The following PRKCB variants were observed in gnomAD, a reference collection of about 807,000 sequenced individuals.
PRKCB encodes protein kinase C beta type.
Under a neutral mutation model 81.5 loss-of-function variants are expected in PRKCB, and 13 were observed. The observed-to-expected ratio is 0.16, with a 90% confidence interval of 0.10 to 0.25. The LOEUF (loss-of-function observed/expected upper bound fraction) is 0.25. Among genes scored for constraint, PRKCB ranks in the 10% least tolerant of loss-of-function variants. The pLI is 1.00. For synonymous variants in PRKCB, 335 were observed against 321.4 expected (o/e 1.04, Z -0.45); for missense variants, 509 against 875.7 (o/e 0.58, Z 5.29).
chr16:23,935,108 T>C (rs777745106), intron 2 of PRKCB, among the ~76,000 whole-genome samples: 1 of 152,128 alleles, frequency 6.6e-6, no homozygotes, highest in Non-Finnish European at 1.5e-5. Flanking sequence ...AACTGGGAAC[T>C]TCCCCTCAGG....
At chr16:24,160,635 G>A (rs916486069) in intron 10 of PRKCB, among the ~76,000 whole-genome samples, 1 of 152,160 alleles carries the variant, frequency 6.6e-6, no homozygotes, top group Non-Finnish European at 1.5e-5. Flanking sequence ...CCATGATGAG[G>A]TACAAAACAG....
Position 23,899,630 on chromosome 16 carries a change from CTCTCTCTCTCTCTCTG to C in PRKCB, c.205+62226_205+62241del, listed in dbSNP as rs1389941842. ...TCTCTCTCTCTCTCTCTCTCTCTCT[CTCTCTCTCTCTCTCTG>C]TGTGTGTGTGTGTGTGTGTGTGGTT... On this transcript the variant is annotated intron_variant, in intron 2 of 16. Coordinates refer to ENST00000643927, the MANE Select transcript of PRKCB (RefSeq NM_002738.7). Among the ~76,000 whole-genome samples, 145 of 36,160 alleles carry C rather than the reference CTCTCTCTCTCTCTCTG, an allele frequency of 4.0e-3. 17 individuals are homozygous for C. Among genetic ancestry groups the C allele is most frequent in the Admixed American group, 4.6e-3 (11 of 2,392 alleles). The allele number at this position is 36,160 out of a possible 152,430, so 23.7% of individuals were successfully genotyped here. A position where few individuals can be genotyped will look rare whatever the true frequency, so the allele number is the denominator to read the frequency against.
intron 3 of PRKCB, among the ~76,000 whole-genome samples, chr16:24,015,268 C>T (rs1965261779): frequency 6.6e-6 from 1 of 152,208 alleles, no homozygotes; most frequent in Non-Finnish European, 1.5e-5. Context: ...CTCTTCTCTC[C>T]ATTTTACAGG....
At chr16:23,986,377 C>T (rs1407137980) in intron 2 of PRKCB, among the ~76,000 whole-genome samples, 2 of 152,178 alleles carry the variant, frequency 1.3e-5, no homozygotes, top group African/African-American at 4.8e-5. Context: ...CCTCAGCCTC[C>T]GGAGTAGCTG....
In PRKCB at chr16:23,961,255, C is replaced by T. The variant is rs367705963; in HGVS notation, c.206-27253C>T. ...CCAGTTTTAGGTACCTCCAGTATCC[C>T]AGTATTTTAGTTGTAAGTGACAGAA... On this transcript the variant is annotated intron_variant, in intron 2 of 16. Coordinates refer to ENST00000643927, the MANE Select transcript of PRKCB (RefSeq NM_002738.7). Among the ~76,000 whole-genome samples the T allele has an allele frequency of 2.6e-5, 4 of 152,180 alleles. No individual in the cohort carries two copies. The East Asian group carries it at 5.8e-4, about 22-fold the overall frequency.
intron 2 of PRKCB, among the ~76,000 whole-genome samples, chr16:23,943,992 A>G (rs1964172473): frequency 6.6e-6 from 1 of 152,190 alleles, no homozygotes; most frequent in Non-Finnish European, 1.5e-5. Flanking sequence ...ATGGACTTTT[A>G]AGCTCATGAT....
intron 5 of PRKCB, among the ~76,000 whole-genome samples, chr16:24,084,292 C>G (rs1310408847): frequency 6.6e-6 from 1 of 151,898 alleles, no homozygotes; most frequent in Non-Finnish European, 1.5e-5. Context: ...GAGTTCAAGA[C>G]AAATATATAA....
chr16:23,892,361 G>A (rs927408513), intron 2 of PRKCB, among the ~76,000 whole-genome samples: 11 of 152,190 alleles, frequency 7.2e-5, no homozygotes, highest in African/African-American at 2.7e-4. Flanking sequence ...TCAGGATGCA[G>A]TATCAGCTGA....
intron 3 of PRKCB, among the ~76,000 whole-genome samples, chr16:24,006,207 T>C (rs951334452): frequency 1.3e-5 from 2 of 152,238 alleles, no homozygotes; most frequent in Non-Finnish European, 2.9e-5. Context: ...TCGTGGGCGA[T>C]ACCAAATGCC....
At chr16:24,190,200 G>A (rs373606521) in intron 15 of PRKCB, among the ~76,000 whole-genome samples, 3 of 152,208 alleles carry the variant, frequency 2.0e-5, no homozygotes, top group African/African-American at 4.8e-5. Flanking sequence ...AGCTGGGCTA[G>A]GTTTTGACTA....
At chr16:23,982,796 T>C (rs1169129332) in intron 2 of PRKCB, among the ~76,000 whole-genome samples, 1 of 152,090 alleles carries the variant, frequency 6.6e-6, no homozygotes, top group East Asian at 1.9e-4. Flanking sequence ...GGAGACATCT[T>C]TTTCATTCTC....
At chr16:23,953,888 C>CTT (rs5816234) in intron 2 of PRKCB, among the ~76,000 whole-genome samples, 127,498 of 146,350 alleles carry the variant, frequency 0.87, 55,885 homozygotes, top group East Asian at 1. Flanking sequence ...AGGCATCCAT[C>CTT]TTTTTTTTTT....
Position 24,092,959 on chromosome 16 carries a change from T to C in PRKCB, c.686+12T>C, listed in dbSNP as rs1966394568. On this transcript the variant is annotated intron_variant, in intron 6 of 16. Coordinates refer to ENST00000643927, the MANE Select transcript of PRKCB (RefSeq NM_002738.7). The stretch of plus-strand genomic sequence containing the variant: ...GAGACATTTAGATTGTAAGTGGAAA[T>C]GACTGCAGTGAGCATGGGTGGTGGA... The C allele has an allele frequency of 6.2e-7, 1 of 1,612,336 alleles. No individual in the cohort carries two copies. Among genetic ancestry groups the C allele is most frequent in the African/African-American group, 1.3e-5 (1 of 75,036 alleles).
intron 2 of PRKCB, among the ~76,000 whole-genome samples, chr16:23,942,177 G>A (rs1026327117): frequency 2.0e-5 from 3 of 152,126 alleles, no homozygotes; most frequent in African/African-American, 4.8e-5. Context: ...TTCCTCCTCC[G>A]CATGCTTGGC....
chr16:23,885,898 T>C (rs1963190665), intron 2 of PRKCB, among the ~76,000 whole-genome samples: 1 of 152,244 alleles, frequency 6.6e-6, no homozygotes, highest in Non-Finnish European at 1.5e-5. Flanking sequence ...TTAGTGTATT[T>C]CTTTTTGACT....
intron 2 of PRKCB, among the ~76,000 whole-genome samples, chr16:23,980,120 C>T (rs775855211): frequency 1.4e-4 from 22 of 152,224 alleles, no homozygotes; most frequent in Non-Finnish European, 3.2e-4. Flanking sequence ...GCACCTTCCT[C>T]ACAGGACTGT....
At position 23,882,012 on chromosome 16, in the gene PRKCB, T is replaced by TTCTCTTTCTTTCTTTCTTTC. The variant is rs774974881; in HGVS notation, c.205+44609_205+44610insCTTTCTTTCTTTCTTTCTCT. 6.4e-4 allele frequency among the ~76,000 whole-genome samples: 65 copies of TTCTCTTTCTTTCTTTCTTTC among 101,928 alleles called. 1 individual carries two copies. Among genetic ancestry groups the TTCTCTTTCTTTCTTTCTTTC allele is most frequent in the Non-Finnish European group, 9.3e-4 (46 of 49,700 alleles). The allele number at this position is 101,928 out of a possible 152,430, so 66.9% of individuals were successfully genotyped here. The stretch of plus-strand genomic sequence containing the variant: ...TTTCTTTCTTTCTTTCTTTCTTTCT[T>TTCTCTTTCTTTCTTTCTTTC]TCTTTCTTTCTTCCTTCCTTCCTTC... On this transcript the variant is annotated intron_variant, in intron 2 of 16. Transcript: ENST00000643927.
chr16:24,087,654 G>A (rs558016797), intron 5 of PRKCB, among the ~76,000 whole-genome samples: 6 of 152,286 alleles, frequency 3.9e-5, no homozygotes, highest in East Asian at 1.9e-4. Flanking sequence ...ATGTGGGATC[G>A]GGATATGAAA....
At chr16:23,921,220 A>G (rs978800726) in intron 2 of PRKCB, among the ~76,000 whole-genome samples, 1 of 152,192 alleles carries the variant, frequency 6.6e-6, no homozygotes, top group African/African-American at 2.4e-5. Context: ...ATGTGTGCCC[A>G]AGTAGTAGAG....
Sources: gnomAD v4.1 joint callset for allele counts (sites outside exome capture counted in the v4.1 genomes callset) on GRCh38, gnomAD v4.1.1 for gene constraint, MANE v1.5 for transcripts, NCBI Gene and HGNC (gene_info 2026-07-23, HGNC 2026-07-21) for gene names.